EXOC4: variants seen among roughly 807,000 people sequenced by gnomAD.
EXOC4 encodes the protein SEC8-like 1.
A neutral mutation model predicts 107.2 loss-of-function variants in EXOC4; 71 were observed. The observed-to-expected ratio is 0.66, with a 90% confidence interval of 0.55 to 0.81. EXOC4 has a LOEUF of 0.81. Ranked by LOEUF, EXOC4 falls within the 30% of genes least tolerant of loss-of-function variation. EXOC4 has a pLI of 0.00. For synonymous variants in EXOC4, 456 were observed against 441.2 expected (o/e 1.03, Z -0.42); for missense variants, 1,108 against 1,189.6 (o/e 0.93, Z 1.01).
At chr7:133,770,659 A>G (rs2151162081) in intron 10 of EXOC4, among the ~76,000 whole-genome samples, 1 of 152,026 alleles carries the variant, frequency 6.6e-6, no homozygotes, top group South Asian at 2.1e-4. Context: ...CTAGCTGGGG[A>G]AACTTACAAA....
intron 6 of EXOC4, among the ~76,000 whole-genome samples, chr7:133,368,489 T>G (rs1239370111): frequency 6.6e-6 from 1 of 152,224 alleles, no homozygotes; most frequent in African/African-American, 2.4e-5. Context: ...TGGTAAATGT[T>G]AAAGATACAG....
chr7:133,723,736 A>C (rs1795156436), intron 10 of EXOC4, among the ~76,000 whole-genome samples: 1 of 152,028 alleles, frequency 6.6e-6, no homozygotes, highest in African/African-American at 2.4e-5. Flanking sequence ...GGTAAGGTAC[A>C]TGCCTCGGCC....
chr7:133,563,020 CA>C (rs2150952348), intron 9 of EXOC4, among the ~76,000 whole-genome samples: 1 of 152,224 alleles, frequency 6.6e-6, no homozygotes, highest in Non-Finnish European at 1.5e-5. Flanking sequence ...ATTTCAGTGA[CA>C]TTTTTTATTT....
At chr7:133,285,785 A>G (rs1465798289) in intron 2 of EXOC4, among the ~76,000 whole-genome samples, 2 of 138,612 alleles carry the variant, frequency 1.4e-5, no homozygotes, top group Admixed American at 7.4e-5. Flanking sequence ...AAAGAGCTGG[A>G]GTCTTGCTTT....
intron 10 of EXOC4, 93 bp from the exon 11 acceptor site, chr7:133,817,232 A>G: frequency 1.2e-6 from 1 of 833,228 alleles, no homozygotes; most frequent in Non-Finnish European, 1.9e-6. Context: ...CTTCACAGAA[A>G]TAGCCAACAC....
At chr7:133,425,413 A>AGTAGCTGGGATTACAAGTG (rs1797702097) in intron 7 of EXOC4, among the ~76,000 whole-genome samples, 1 of 152,062 alleles carries the variant, frequency 6.6e-6, no homozygotes. Flanking sequence ...CAGTCTCCTG[A>AGTAGCTGGGATTACAAGTG]GTAGCTGGGA....
intron 13 of EXOC4, among the ~76,000 whole-genome samples, chr7:133,927,989 TC>T (rs1800089461): frequency 6.6e-6 from 1 of 152,200 alleles, no homozygotes; most frequent in African/African-American, 2.4e-5. Context: ...ATTTAAAATC[TC>T]CCCTACACAT....
chr7:133,326,776 CTTTCG>C, intron 5 of EXOC4, among the ~76,000 whole-genome samples: 1 of 152,348 alleles, frequency 6.6e-6, no homozygotes, highest in South Asian at 2.1e-4. Context: ...TTTCTGCTGC[CTTTCG>C]TTCGGCTATG....
chr7:133,585,040 C>G (rs1292869449), intron 9 of EXOC4, among the ~76,000 whole-genome samples: 3 of 152,154 alleles, frequency 2.0e-5, no homozygotes, highest in African/African-American at 7.2e-5. Context: ...GAATGTAAAT[C>G]TCAGCATAAA....
chr7:133,400,994 C>T (rs981201154), intron 7 of EXOC4, among the ~76,000 whole-genome samples: 4 of 152,122 alleles, frequency 2.6e-5, no homozygotes, highest in Admixed American at 2.6e-4. Flanking sequence ...AACTCAGGTT[C>T]CTAAACTCTG....
chr7:133,475,496 T>A (rs773596095), intron 8 of EXOC4, 23 bp downstream of exon 8: 1 of 1,607,992 alleles, frequency 6.2e-7, no homozygotes, highest in South Asian at 1.1e-5. Context: ...CTGCTGTTAA[T>A]AGGTTTTAAG....
chr7:133,304,849 A>G (rs1207168910), intron 3 of EXOC4, among the ~76,000 whole-genome samples: 1 of 152,220 alleles, frequency 6.6e-6, no homozygotes, highest in Admixed American at 6.5e-5. Flanking sequence ...AATATTTAGT[A>G]TAACCAAAGC....
At chr7:133,975,444 T>C (rs903461616) in intron 14 of EXOC4, among the ~76,000 whole-genome samples, 1 of 152,140 alleles carries the variant, frequency 6.6e-6, no homozygotes, top group African/African-American at 2.4e-5. Context: ...AAGGAAGAAT[T>C]CATGGGAAAG....
chr7:133,767,464 C>T (rs1179937715), intron 10 of EXOC4, among the ~76,000 whole-genome samples: 1 of 151,896 alleles, frequency 6.6e-6, no homozygotes, highest in Non-Finnish European at 1.5e-5. Flanking sequence ...TACACACACA[C>T]CCCTTATATA....
At position 133,701,126 on chromosome 7, in the gene EXOC4, A is replaced by C. The variant is rs186332853; in HGVS notation, c.1514+70985A>C. 5.1e-3 allele frequency among the ~76,000 whole-genome samples: 774 copies of C among 152,358 alleles called. 5 individuals are homozygous for C. The highest frequency in any genetic ancestry group is 8.9e-3 in the Non-Finnish European group (605 of 68,030). On this transcript the variant is annotated intron_variant, in intron 10 of 17. Transcript: ENST00000253861. Reference sequence around the variant, plus strand: ...AAGTGGTATTCCACCAAAGTTAAAAACATCTATGAAGTCTTACTTTTCCAA... The same window carrying C: ...AAGTGGTATTCCACCAAAGTTAAAACCATCTATGAAGTCTTACTTTTCCAA...
chr7:133,425,149 A>T (rs1002168166), intron 7 of EXOC4, among the ~76,000 whole-genome samples: 2 of 152,118 alleles, frequency 1.3e-5, no homozygotes, highest in African/African-American at 2.4e-5. Context: ...GCTTCAGGGG[A>T]TAGGGAGATG....
intron 10 of EXOC4, among the ~76,000 whole-genome samples, chr7:133,752,667 T>C (rs1159104212): frequency 1.3e-5 from 2 of 151,314 alleles, no homozygotes; most frequent in African/African-American, 4.9e-5. Flanking sequence ...CAAAAAAGAG[T>C]GAGTACAGGA....
chr7:134,079,209 T>A, the EXOC4 span, among the ~76,000 whole-genome samples: 1 of 152,124 alleles, frequency 6.6e-6, no homozygotes, highest in Admixed American at 6.6e-5. Flanking sequence ...TCCAACCTGC[T>A]CAGGAAGCAC....
At position 133,693,047 on chromosome 7, in the gene EXOC4, G is replaced by A. The variant is rs1333193910; in HGVS notation, c.1514+62906G>A. ...GTTCTCTAGAGGGACAGAACTGATA[G>A]GATAGATGTATATATGAAGGGGAAT... On this transcript the variant is annotated intron_variant, in intron 10 of 17. Transcript: ENST00000253861. Among the ~76,000 whole-genome samples, 3 of 152,116 alleles carry A rather than the reference G, an allele frequency of 2.0e-5. No homozygotes were observed. In the East Asian group the frequency reaches 5.8e-4, roughly 29 times the overall value.
Sources: gnomAD v4.1 joint callset for allele counts (sites outside exome capture counted in the v4.1 genomes callset) on GRCh38, gnomAD v4.1.1 for gene constraint, MANE v1.5 for transcripts, NCBI Gene and HGNC (gene_info 2026-07-23, HGNC 2026-07-21) for gene names.